The following UXS1 variants were observed in gnomAD, a reference collection of about 807,000 sequenced individuals.
The protein encoded by UXS1 is UDP-glucuronate decarboxylase 1, also known as UDP-glucuronic acid decarboxylase 1.
In UXS1, 33 loss-of-function variants were observed where a neutral mutation model predicts 62.6. The observed-to-expected ratio is 0.53, with a 90% confidence interval of 0.40 to 0.70. The LOEUF is 0.70. Among genes scored for constraint, UXS1 ranks in the 30% least tolerant of loss-of-function variants. UXS1 has a pLI of 0.00. For synonymous variants in UXS1, 213 were observed against 206.8 expected, an observed-to-expected ratio of 1.03 and a Z score of -0.26; for missense variants, 434 against 556.3, an observed-to-expected ratio of 0.78 and a Z score of 2.21.
intron 1 of UXS1, among the ~76,000 whole-genome samples, chr2:106,182,512 A>G (rs954660907): frequency 6.6e-6 from 1 of 152,176 alleles, no homozygotes; most frequent in African/African-American, 2.4e-5. Context: ...AGCTTAAAAA[A>G]TTTTAATAAT....
In UXS1 at chr2:106,194,065, G is replaced by C. The variant is rs540314180; in HGVS notation, c.94+83C>G. On this transcript the variant is annotated intron_variant, in intron 1 of 14. Coordinates refer to ENST00000283148, the MANE Select transcript of UXS1 (RefSeq NM_001253875.2). ...AACGCGGGGCTGCAGGGCCGCCTCG[G>C]GGCCCCGAACCACCGCCGCCCGGCC... 2,315 of 1,186,194 alleles carry C rather than the reference G, an allele frequency of 2.0e-3. 22 individuals carry two copies. The Middle Eastern group carries it at 0.032, about 17-fold the overall frequency. The allele number at this position is 1,186,194 out of a possible 1,614,324, so 73.5% of individuals were successfully genotyped here. A position where few individuals can be genotyped will look rare whatever the true frequency, so the allele number is the denominator to read the frequency against.
intron 13 of UXS1, among the ~76,000 whole-genome samples, chr2:106,097,920 A>G (rs1316271069): frequency 1.3e-5 from 2 of 152,224 alleles, no homozygotes; most frequent in African/African-American, 2.4e-5. Flanking sequence ...GAGCAACGGG[A>G]GGATTCCAGC....
At chr2:106,147,955 AG>A (rs908904833) in intron 5 of UXS1, among the ~76,000 whole-genome samples, 2 of 152,248 alleles carry the variant, frequency 1.3e-5, no homozygotes, top group African/African-American at 4.8e-5. Flanking sequence ...TGGTTAAGAC[AG>A]GATGGGTGAG....
intron 1 of UXS1, among the ~76,000 whole-genome samples, chr2:106,189,053 T>C (rs1043649552): frequency 6.6e-6 from 1 of 151,638 alleles, no homozygotes; most frequent in Admixed American, 6.6e-5. Context: ...CTTAAAATGG[T>C]AGAAAATAGG....
intron 1 of UXS1, among the ~76,000 whole-genome samples, chr2:106,191,506 A>G (rs1005409648): frequency 1.3e-5 from 2 of 152,166 alleles, no homozygotes; most frequent in African/African-American, 2.4e-5. Flanking sequence ...GCTCCTTATT[A>G]ACACTGCCTC....
chr2:106,095,917 G>A (rs1047069156), intron 14 of UXS1, among the ~76,000 whole-genome samples: 4 of 152,320 alleles, frequency 2.6e-5, no homozygotes, highest in African/African-American at 9.6e-5. Flanking sequence ...AGAAGCAGGC[G>A]GGGTTCAGGC....
intron 1 of UXS1, among the ~76,000 whole-genome samples, chr2:106,186,953 T>C (rs1461612954): frequency 2.0e-5 from 3 of 152,116 alleles, no homozygotes; most frequent in South Asian, 2.1e-4. Flanking sequence ...GGTAATGAGA[T>C]TATATAGAAG....
intron 1 of UXS1, among the ~76,000 whole-genome samples, chr2:106,192,070 T>A (rs992613798): frequency 5.3e-5 from 8 of 151,962 alleles, no homozygotes; most frequent in South Asian, 2.1e-4. Flanking sequence ...CTGTGTTTTT[T>A]AAAAAAAACC....
intron 1 of UXS1, among the ~76,000 whole-genome samples, chr2:106,167,866 A>G (rs1683304199): frequency 6.6e-6 from 1 of 152,162 alleles, no homozygotes; most frequent in Admixed American, 6.5e-5. Context: ...AGTCACCATA[A>G]GATACAGGTC....
rs1379681617 is a variant in UXS1 at position 106,093,443 on chromosome 2, G to A, written c.*583C>T. ...CACAGTAGTGATTTCAAATATCCTT[G>A]ATCATGACCAACAGGAATATTTCAA... On this transcript the variant is annotated 3_prime_UTR_variant, in exon 15 of 15. Transcript: ENST00000283148. 1 of 147,102 alleles carries A rather than the reference G, an allele frequency of 6.8e-6. No individual in the cohort carries two copies. The highest frequency in any genetic ancestry group is 1.5e-5 in the Non-Finnish European group (1 of 67,368). 9.1% of individuals were successfully genotyped at this position (147,102 alleles called of 1,614,324 possible). A position where few individuals can be genotyped will look rare whatever the true frequency, so the allele number is the denominator to read the frequency against.
intron 14 of UXS1, among the ~76,000 whole-genome samples, chr2:106,094,944 A>G (rs34795949): frequency 0.11 from 17,034 of 152,270 alleles, 1,237 homozygotes; most frequent in Non-Finnish European, 0.16. Context: ...CAGTTTGCCA[A>G]TTATATCTCA....
At chr2:106,106,275 A>T (rs889396017) in intron 10 of UXS1, among the ~76,000 whole-genome samples, 2 of 151,410 alleles carry the variant, frequency 1.3e-5, no homozygotes, top group Admixed American at 1.3e-4. Flanking sequence ...GAGGCAGGAG[A>T]ATTGCTTGAA....
intron 1 of UXS1, among the ~76,000 whole-genome samples, chr2:106,178,502 A>G (rs1684033848): frequency 8.2e-6 from 1 of 121,264 alleles, no homozygotes; most frequent in Admixed American, 9.3e-5. Context: ...AAGTATGTGT[A>G]TGTATACATA....
intron 1 of UXS1, among the ~76,000 whole-genome samples, chr2:106,178,767 C>T (rs1684063674): frequency 6.6e-6 from 1 of 151,666 alleles, no homozygotes. Flanking sequence ...CCCCTTTCCC[C>T]CGCCCTATGT....
chr2:106,170,478 A>G (rs1318995907), intron 1 of UXS1, among the ~76,000 whole-genome samples: 1 of 152,262 alleles, frequency 6.6e-6, no homozygotes, highest in Non-Finnish European at 1.5e-5. Flanking sequence ...CGTTGAATGC[A>G]TGCCAAGTAA....
intron 10 of UXS1, among the ~76,000 whole-genome samples, chr2:106,111,551 C>CG (rs1678611623): frequency 6.6e-6 from 1 of 152,146 alleles, no homozygotes; most frequent in Non-Finnish European, 1.5e-5. Flanking sequence ...TCATGAAGAG[C>CG]GGGGGCTCTG....
At chr2:106,106,727 A>C (rs561906048) in intron 10 of UXS1, among the ~76,000 whole-genome samples, 116 of 152,334 alleles carry the variant, frequency 7.6e-4, no homozygotes, top group Non-Finnish European at 1.4e-3. Flanking sequence ...CATGTGAGGA[A>C]GGTAGGAAGC....
intron 11 of UXS1, among the ~76,000 whole-genome samples, chr2:106,103,115 G>C (rs1027633039): frequency 2.5e-4 from 38 of 152,388 alleles, no homozygotes; most frequent in Admixed American, 3.9e-4. Context: ...ACAGTGACCA[G>C]GCCATCAGAG....
chr2:106,112,730 G>A lies in UXS1; in HGVS notation c.795C>T (p.Asn265=). The A allele has an allele frequency of 1.2e-6, 2 of 1,614,030 alleles. No individual in the cohort carries two copies. The highest frequency in any genetic ancestry group is 1.7e-6 in the Non-Finnish European group (2 of 1,179,900). The part of the protein sequence containing the change: ...GVEVRVARIF[N]TFGPRMHMND... ...TCATGTGCATGCGTGGCCCAAAGGT[G>A]TTGAAGATTCTGGCCACTCGCACTT... The change falls in exon 10 of 15, where the codon AAC becomes AAT. Residue 265 remains asparagine, a synonymous_variant. Coordinates refer to ENST00000283148, the MANE Select transcript of UXS1 (RefSeq NM_001253875.2).
Sources: gnomAD v4.1 joint callset for allele counts (sites outside exome capture counted in the v4.1 genomes callset) on GRCh38, gnomAD v4.1.1 for gene constraint, MANE v1.5 for transcripts, NCBI Gene and HGNC (gene_info 2026-07-23, HGNC 2026-07-21) for gene names.